The following DBNL variants were observed in gnomAD, a reference collection of about 807,000 sequenced individuals.
DBNL encodes the protein drebrin like, also known as drebrin-like protein.
In DBNL, 35 loss-of-function variants were observed where a neutral mutation model predicts 62.2. The observed-to-expected ratio is 0.56, with a 90% CI of 0.43 to 0.75. DBNL has a LOEUF of 0.75. Among genes scored for constraint, DBNL ranks in the 30% least tolerant of loss-of-function variants. The pLI, the probability that DBNL is intolerant of heterozygous loss-of-function variation, is 0.00. For synonymous variants in DBNL, 197 were observed against 218.0 expected (o/e 0.90, Z 0.85); for missense variants, 495 against 578.4 (o/e 0.86, Z 1.48).
chr7:44,065,473 C>G lies in DBNL; in HGVS notation c.*4557C>G. On this transcript the variant is annotated 3_prime_UTR_variant, in exon 13 of 13. Coordinates refer to ENST00000448521, the MANE Select transcript of DBNL (RefSeq NM_001014436.3). Reference sequence around the variant, plus strand: ...CATCGAACCAGCCACAGAAACGGTTCTCCTGGTTCCATGTGCTCTCGCCGT... The same window carrying G: ...CATCGAACCAGCCACAGAAACGGTTGTCCTGGTTCCATGTGCTCTCGCCGT... 1 of 1,614,146 alleles carries G rather than the reference C, an allele frequency of 6.2e-7. No individual in the cohort carries two copies. The highest frequency in any genetic ancestry group is 8.5e-7 in the Non-Finnish European group (1 of 1,180,030).
At chr7:44,049,377 C>T (rs1343352834) in intron 1 of DBNL, among the ~76,000 whole-genome samples, 3 of 152,202 alleles carry the variant, frequency 2.0e-5, no homozygotes, top group Non-Finnish European at 4.4e-5. Flanking sequence ...AGAATGGTCT[C>T]GATCTCCTGA....
chr7:44,056,610 GT>G, intron 4 of DBNL, 146 bp from the exon 5 acceptor site: 1 of 1,196,320 alleles, frequency 8.4e-7, no homozygotes, highest in Non-Finnish European at 1.1e-6. Flanking sequence ...TCGTGCCTCA[GT>G]TTTCAGCAGC....
Position 44,065,806 on chromosome 7 carries a change from A to C in DBNL, c.*4890A>C. 1.8e-6 allele frequency: 1 copy of C among 544,458 alleles called. No homozygotes were observed. Among genetic ancestry groups the C allele is most frequent in the Non-Finnish European group, 3.3e-6 (1 of 300,942 alleles). 33.7% of individuals were successfully genotyped at this position (544,458 alleles called of 1,614,324 possible). On this transcript the variant is annotated 3_prime_UTR_variant, in exon 13 of 13. Transcript: ENST00000448521. ...TAACCAGCTGGCACCCAGAGCCCAG[A>C]CTGAGTGGGGCTGCTGGTCAGGGAT...
chr7:44,053,707 C>T (rs1389203207), intron 4 of DBNL, among the ~76,000 whole-genome samples: 4 of 148,666 alleles, frequency 2.7e-5, no homozygotes, highest in African/African-American at 5.0e-5. Context: ...GACTGAGTCT[C>T]GCTCCGTTGC....
Position 44,068,795 on chromosome 7 carries a change from G to A in DBNL, c.*7879G>A, listed in dbSNP as rs962380516. On this transcript the variant is annotated 3_prime_UTR_variant, in exon 13 of 13. Transcript: ENST00000448521. ...AAAAAGATATAAACTTACAAACCAA[G>A]AAGCTCAGTGAACCACACAACTGGA... 4 of 152,172 alleles carry A rather than the reference G, an allele frequency of 2.6e-5. No individual in the cohort carries two copies. Among genetic ancestry groups the A allele is most frequent in the African/African-American group, 4.8e-5 (2 of 41,440 alleles). The allele number at this position is 152,172 out of a possible 1,614,324, so 9.4% of individuals were successfully genotyped here. A position where few individuals can be genotyped will look rare whatever the true frequency, so the allele number is the denominator to read the frequency against.
rs999290804 is a variant in DBNL at position 44,064,548 on chromosome 7, T to G, written c.*3632T>G. 2 of 490,324 alleles carry G rather than the reference T, an allele frequency of 4.1e-6. No individual in the cohort carries two copies. The highest frequency in any genetic ancestry group is 3.9e-5 in the African/African-American group (2 of 51,420). 30.4% of individuals were successfully genotyped at this position (490,324 alleles called of 1,614,324 possible). On this transcript the variant is annotated 3_prime_UTR_variant, in exon 13 of 13. Transcript: ENST00000448521. ...CTCTAAGCCCAGCCCTTCCGTTTCC[T>G]AGCTGGGTGTCCCTTGGCAGATGCC... is the stretch of plus-strand genomic sequence containing the variant.
chr7:44,059,926 C>A lies in DBNL; in HGVS notation c.1048-122C>A. On this transcript the variant is annotated intron_variant, in intron 11 of 12. Coordinates refer to ENST00000448521, the MANE Select transcript of DBNL (RefSeq NM_001014436.3). This position sits in a 1 kb window ranked among gnomAD's most constrained non-coding sequence, Gnocchi z 4.1. ...AGGGCGGGGACAGCAGCAGCCCAGC[C>A]CCCGAGCCTGTAGACTGCTTGCCCT... 1 of 979,664 alleles carries A rather than the reference C, an allele frequency of 1.0e-6. No homozygotes were observed. The highest frequency in any genetic ancestry group is 1.5e-6 in the Non-Finnish European group (1 of 645,746). The allele number at this position is 979,664 out of a possible 1,614,324, so 60.7% of individuals were successfully genotyped here.
At chr7:44,057,337 C>G (rs1010172304) in intron 5 of DBNL, among the ~76,000 whole-genome samples, 9 of 152,090 alleles carry the variant, frequency 5.9e-5, no homozygotes, top group African/African-American at 2.2e-4. Context: ...GGCCCCAGTG[C>G]TGTGTGGAGC....
Position 44,063,110 on chromosome 7 carries a change from C to G in DBNL, c.*2194C>G, listed in dbSNP as rs2096152259. 1.5e-6 allele frequency: 1 copy of G among 675,780 alleles called. No homozygotes were observed. Among genetic ancestry groups the G allele is most frequent in the Non-Finnish European group, 2.6e-6 (1 of 378,290 alleles). The allele number at this position is 675,780 out of a possible 1,614,324, so 41.9% of individuals were successfully genotyped here. A position where few individuals can be genotyped will look rare whatever the true frequency, so the allele number is the denominator to read the frequency against. On this transcript the variant is annotated 3_prime_UTR_variant, in exon 13 of 13. Transcript: ENST00000448521. ...CAAGGAGTAACTGAGTTAGACCAAG[C>G]AGCCTACAGAAATAGCCCAGTGGTG...
intron 1 of DBNL, 43 bp downstream of exon 1, chr7:44,044,863 A>G (rs1337055560): frequency 3.4e-6 from 4 of 1,174,754 alleles, no homozygotes; most frequent in African/African-American, 1.8e-5. Flanking sequence ...GGGCTGCCTC[A>G]GGGGTGGGTC....
chr7:44,044,991 C>T (rs988062810), intron 1 of DBNL, 171 bp downstream of exon 1: 29 of 585,610 alleles, frequency 5.0e-5, no homozygotes, highest in Middle Eastern at 4.9e-4. Context: ...AGTGCTGTCT[C>T]ACCCTCGTGA....
rs374395743 is a variant in DBNL, at chr7:44,065,208, C to T, written c.*4292C>T. 3.3e-5 allele frequency: 54 copies of T among 1,613,956 alleles called. No homozygotes were observed. Among genetic ancestry groups the T allele is most frequent in the East Asian group, 8.9e-5 (4 of 44,896 alleles). ...CTCCAGATCTTCACCTGCTCCTCCC[C>T]GTGCTTGGCGGCCGTTTCTGCCTTG... On this transcript the variant is annotated 3_prime_UTR_variant, in exon 13 of 13. Coordinates refer to ENST00000448521, the MANE Select transcript of DBNL (RefSeq NM_001014436.3).
In DBNL at chr7:44,065,156, G is replaced by A. The variant is rs1385458139; in HGVS notation, c.*4240G>A. On this transcript the variant is annotated 3_prime_UTR_variant, in exon 13 of 13. Transcript: ENST00000448521. Reference sequence around the variant, plus strand: ...GTAGTAGGGGTGCTTCTCGTCCATCGGGGGCGGCGGGATGTCGAAGGAGCG... The same window carrying A: ...GTAGTAGGGGTGCTTCTCGTCCATCAGGGGCGGCGGGATGTCGAAGGAGCG... 6 of 1,613,986 alleles carry A rather than the reference G, an allele frequency of 3.7e-6. No homozygotes were observed. Among genetic ancestry groups the A allele is most frequent in the African/African-American group, 2.7e-5 (2 of 75,054 alleles).
intron 1 of DBNL, among the ~76,000 whole-genome samples, chr7:44,046,753 C>CG (rs1270660049): frequency 6.6e-6 from 1 of 152,176 alleles, no homozygotes; most frequent in Non-Finnish European, 1.5e-5. Flanking sequence ...CTGCACACTG[C>CG]GGAAAAATAT....
In DBNL at chr7:44,044,808, C is replaced by T. The variant is rs946812322; in HGVS notation, c.71C>T (p.Ser24Phe). The T allele has an allele frequency of 2.0e-6, 3 of 1,484,420 alleles. No individual in the cohort carries two copies. Among genetic ancestry groups the T allele is most frequent in the South Asian group, 2.5e-5 (2 of 79,074 alleles). 92.0% of individuals were successfully genotyped at this position (1,484,420 alleles called of 1,614,324 possible). A position where few individuals can be genotyped will look rare whatever the true frequency, so the allele number is the denominator to read the frequency against. ...TACGTGCGGGTGGTCACCGAGAAGT[C>T]CCCGACCGACTGGTGGGCGGCGAGA... ...EAYVRVVTEK[S>F]PTDWALFTYE... Residue 24 changes from serine to phenylalanine, a missense_variant, in exon 1 of 13, where the codon TCC becomes TTC. Ser to Phe is a radical substitution (Grantham distance 155). Transcript: ENST00000448521.
rs1397716801 is a variant in DBNL, at chr7:44,068,748, C to A, written c.*7832C>A. The A allele has an allele frequency of 6.6e-6, 1 of 152,108 alleles. No homozygotes were observed. Among genetic ancestry groups the A allele is most frequent in the Non-Finnish European group, 1.5e-5 (1 of 68,022 alleles). 9.4% of individuals were successfully genotyped at this position (152,108 alleles called of 1,614,324 possible). A position where few individuals can be genotyped will look rare whatever the true frequency, so the allele number is the denominator to read the frequency against. ...AATGGAAATGACAAAGCATGGAGTC[C>A]ATAAATTAGATGATAGTTTGGAAAA... On this transcript the variant is annotated 3_prime_UTR_variant, in exon 13 of 13. Coordinates refer to ENST00000448521, the MANE Select transcript of DBNL (RefSeq NM_001014436.3).
intron 1 of DBNL, among the ~76,000 whole-genome samples, chr7:44,045,568 G>C (rs2096115808): frequency 1.3e-5 from 2 of 152,326 alleles, no homozygotes; most frequent in African/African-American, 4.8e-5. Flanking sequence ...TGAGAAATAT[G>C]CTGAGTATGG....
Position 44,066,629 on chromosome 7 carries a change from G to A in DBNL, c.*5713G>A, listed in dbSNP as rs112763401. 128 of 152,448 alleles carry A rather than the reference G, an allele frequency of 8.4e-4. No homozygotes were observed. Among genetic ancestry groups the A allele is most frequent in the African/African-American group, 2.5e-3 (106 of 41,588 alleles). 9.4% of individuals were successfully genotyped at this position (152,448 alleles called of 1,614,324 possible). A position where few individuals can be genotyped will look rare whatever the true frequency, so the allele number is the denominator to read the frequency against. ...GCCAGCAGAGGGACCACCACTCTGA[G>A]ACTTGGATCTGAGTGTGCAAGAAAC... On this transcript the variant is annotated 3_prime_UTR_variant, in exon 13 of 13. Transcript: ENST00000448521.
chr7:44,057,719 T>A, intron 5 of DBNL, 63 bp from the exon 6 acceptor site: 2 of 1,591,694 alleles, frequency 1.3e-6, no homozygotes, highest in Non-Finnish European at 1.7e-6. Flanking sequence ...TTCTCTCCTT[T>A]GGTGCCTGTG....
Sources: allele counts gnomAD v4.1 joint callset (sites outside exome capture counted in the v4.1 genomes callset), GRCh38; gene constraint gnomAD v4.1.1; non-coding constraint Gnocchi (gnomAD v3.1); transcripts MANE v1.5; gene names NCBI Gene and HGNC (gene_info 2026-07-23, HGNC 2026-07-21).